Variants in PIGL observed in about 807,000 individuals in gnomAD.
PIGL encodes phosphatidylinositol glycan anchor biosynthesis class L.
PIGL carries 22 observed loss-of-function variants against 31.1 expected under a neutral mutation model. The observed-to-expected ratio is 0.71, with a 90% CI of 0.51 to 1.01. The LOEUF is 1.01. PIGL is among the 50% of genes least tolerant of loss of function. The pLI, the probability that PIGL is intolerant of heterozygous loss-of-function variation, is 0.00. For missense variants in PIGL, 302 were observed against 315.9 expected (o/e 0.96, Z 0.33); for synonymous variants, 131 against 117.4 (o/e 1.12, Z -0.75).
intron 2 of PIGL, among the ~76,000 whole-genome samples, chr17:16,288,185 C>T (rs951035578): frequency 6.9e-6 from 1 of 144,982 alleles, no homozygotes; most frequent in African/African-American, 2.5e-5. Context: ...GTTTTCTTTC[C>T]TTCCTTCCTT....
At chr17:16,258,825 C>T (rs1043876958) in intron 2 of PIGL, among the ~76,000 whole-genome samples, 2 of 152,066 alleles carry the variant, frequency 1.3e-5, no homozygotes, top group Non-Finnish European at 2.9e-5. Context: ...TTTTTATTAA[C>T]CAAAATGAAT....
chr17:16,221,778 C>T (rs2092630595), intron 1 of PIGL, among the ~76,000 whole-genome samples: 1 of 152,154 alleles, frequency 6.6e-6, no homozygotes, highest in Admixed American at 6.6e-5. Flanking sequence ...CGCCACTATG[C>T]CCAGCTAATT....
At chr17:16,244,526 C>T (rs1043615453) in intron 2 of PIGL, among the ~76,000 whole-genome samples, 10 of 152,136 alleles carry the variant, frequency 6.6e-5, no homozygotes, top group African/African-American at 2.2e-4. Context: ...CAAATGTTTT[C>T]GGGGACAAAT....
At chr17:16,314,817 C>T (rs2093069005) in intron 4 of PIGL, among the ~76,000 whole-genome samples, 1 of 152,108 alleles carries the variant, frequency 6.6e-6, no homozygotes, top group South Asian at 2.1e-4. Context: ...TGAGGCAGCC[C>T]CAGAGTGGTC....
At chr17:16,225,887 A>G (rs1281484202) in intron 1 of PIGL, among the ~76,000 whole-genome samples, 4 of 151,978 alleles carry the variant, frequency 2.6e-5, no homozygotes, top group African/African-American at 9.7e-5. Context: ...TAAAACCATA[A>G]TTAAATCTTT....
At chr17:16,262,523 A>G (rs1397098996) in intron 2 of PIGL, among the ~76,000 whole-genome samples, 2 of 152,166 alleles carry the variant, frequency 1.3e-5, no homozygotes, top group Non-Finnish European at 1.5e-5. Flanking sequence ...TTCCTCAAAA[A>G]CTTAAAAATA....
At position 16,325,803 on chromosome 17, in the gene PIGL, G is replaced by T. The variant is rs114376174; in HGVS notation, c.664G>T (p.Ala222Ser). Residue 222 changes from alanine (A) to serine (S), a missense_variant, in exon 7 of 7, where the codon GCC becomes TCC. By Grantham distance (99) the Ala-to-Ser change is moderately conservative (BLOSUM62 1). Coordinates refer to ENST00000225609, the MANE Select transcript of PIGL (RefSeq NM_004278.4). ...TGGTTCTCTTTGATTCTTCTAGAAA[G>T]CCATGTCCTGCCACCGCAGCCAGCT... is the stretch of plus-strand genomic sequence containing the variant. ...NSKEVAQAKK[A>S]MSCHRSQLLW... is the part of the protein sequence containing the mutation. 3.7e-6 allele frequency: 6 copies of T among 1,612,524 alleles called. No homozygotes were observed. In the East Asian group the frequency reaches 1.3e-4, roughly 36 times the overall value.
intron 2 of PIGL, among the ~76,000 whole-genome samples, chr17:16,240,603 G>C (rs965788116): frequency 6.6e-6 from 1 of 151,832 alleles, no homozygotes; most frequent in Non-Finnish European, 1.5e-5. Context: ...CGGGTGCAAG[G>C]GATCCTTCCA....
At position 16,239,488 on chromosome 17, in the gene PIGL, A is replaced by T. The variant is rs146247455; in HGVS notation, c.335+5418A>T. Among the ~76,000 whole-genome samples, 29 of 152,160 alleles carry T rather than the reference A, an allele frequency of 1.9e-4. 2 individuals are homozygous for T. The highest frequency in any genetic ancestry group is 7.0e-4 in the African/African-American group (29 of 41,534). On this transcript the variant is annotated intron_variant, in intron 2 of 6. Transcript: ENST00000225609. Reference sequence around the variant, plus strand: ...ACAGAGTGAGACTCTGTCTCAAAAAAATAAAAAAGAAAAAAAAAAGAAAAA... The same window carrying T: ...ACAGAGTGAGACTCTGTCTCAAAAATATAAAAAAGAAAAAAAAAAGAAAAA...
At chr17:16,310,727 G>T (rs1217019830) in intron 3 of PIGL, among the ~76,000 whole-genome samples, 2 of 152,138 alleles carry the variant, frequency 1.3e-5, no homozygotes, top group Non-Finnish European at 2.9e-5. Flanking sequence ...AGTAGAGAGG[G>T]TTTCGCCATG....
intron 2 of PIGL, among the ~76,000 whole-genome samples, chr17:16,285,308 C>T (rs544626262): frequency 1.3e-5 from 2 of 152,188 alleles, no homozygotes; most frequent in Non-Finnish European, 2.9e-5. Context: ...AAATCCAGGC[C>T]GGGCGCGGTG....
intron 2 of PIGL, among the ~76,000 whole-genome samples, chr17:16,269,752 A>G (rs2092862430): frequency 7.8e-6 from 1 of 129,016 alleles, no homozygotes; most frequent in Admixed American, 7.6e-5. Flanking sequence ...GGTGATTAAG[A>G]ACCTGAATTT....
chr17:16,301,540 G>A, intron 3 of PIGL, among the ~76,000 whole-genome samples: 1 of 149,358 alleles, frequency 6.7e-6, no homozygotes, highest in East Asian at 2.0e-4. Context: ...GGGATTACAG[G>A]CATGAGCTAC....
chr17:16,241,755 TAAAC>T (rs2092724196), intron 2 of PIGL, among the ~76,000 whole-genome samples: 1 of 152,088 alleles, frequency 6.6e-6, no homozygotes, highest in Admixed American at 6.6e-5. Context: ...TGCTCAGTAT[TAAAC>T]AAAATTAGCA....
At chr17:16,320,240 AGG>A (rs2093098111) in intron 6 of PIGL, among the ~76,000 whole-genome samples, 3 of 109,730 alleles carry the variant, frequency 2.7e-5, no homozygotes, top group Non-Finnish European at 5.4e-5. Context: ...GAAGGAAGGA[AGG>A]AAGGAAGGAA....
chr17:16,253,627 T>G (rs61529373), intron 2 of PIGL, among the ~76,000 whole-genome samples: 4,787 of 152,154 alleles, frequency 0.031, 253 homozygotes, highest in African/African-American at 0.11. Context: ...TATACACATA[T>G]CACCTCTATT....
At chr17:16,227,731 C>T (rs1162029419) in intron 1 of PIGL, among the ~76,000 whole-genome samples, 2 of 151,624 alleles carry the variant, frequency 1.3e-5, no homozygotes, top group Admixed American at 6.6e-5. Context: ...CAGGCATGTG[C>T]CACCATGCCC....
chr17:16,294,459 G>A (rs976302110), intron 2 of PIGL, among the ~76,000 whole-genome samples: 6 of 151,958 alleles, frequency 3.9e-5, no homozygotes, highest in Admixed American at 1.3e-4. Flanking sequence ...CCCCCAGTAC[G>A]GTTCTCCCCG....
At chr17:16,269,135 G>A (rs1027523360) in intron 2 of PIGL, among the ~76,000 whole-genome samples, 1 of 152,192 alleles carries the variant, frequency 6.6e-6, no homozygotes, top group African/African-American at 2.4e-5. Flanking sequence ...AGGAGTAAAT[G>A]CTGTCATTAC....
Sources: allele counts gnomAD v4.1 joint callset (sites outside exome capture counted in the v4.1 genomes callset), GRCh38; gene constraint gnomAD v4.1.1; transcripts MANE v1.5; gene names NCBI Gene and HGNC (gene_info 2026-07-23, HGNC 2026-07-21).